Variants in AK4 observed in about 807,000 individuals in gnomAD.
AK4 encodes adenylate kinase 4.
Under a neutral mutation model 24.6 loss-of-function variants are expected in AK4, and 13 were observed. The ratio of observed to expected loss-of-function variants is 0.53; its 90% confidence interval spans 0.34 to 0.84. AK4 has a LOEUF of 0.84. Among genes scored for constraint, AK4 ranks in the 40% least tolerant of loss-of-function variants. The probability of loss-of-function intolerance (pLI) is 0.01; values close to 1 mark genes in which losing one functional copy is unlikely to be tolerated. For synonymous variants in AK4, 88 were observed against 107.0 expected (o/e 0.82, Z 1.10); for missense variants, 192 against 288.2 (o/e 0.67, Z 2.42).
At position 65,153,273 on chromosome 1, in the gene AK4, TTTC is replaced by T. The variant is rs200800134; in HGVS notation, c.145+4730_145+4732del. ...TGCACATTCTTCCAGTGGGATTTTT[TTTC>T]TTCTTCTTTTTGAGACATAGTTTCA... On this transcript the variant is annotated intron_variant, in intron 1 of 4. Coordinates refer to ENST00000327299, the MANE Select transcript of AK4 (RefSeq NM_013410.4). 8.3e-3 allele frequency among the ~76,000 whole-genome samples: 1,269 copies of T among 152,256 alleles called. 13 individuals carry two copies. Among genetic ancestry groups the T allele is most frequent in the Middle Eastern group, 0.014 (4 of 294 alleles).
chr1:65,215,173 TTTC>T (rs202004068), intron 2 of AK4, among the ~76,000 whole-genome samples: 27 of 127,760 alleles, frequency 2.1e-4, no homozygotes, highest in East Asian at 1.1e-3. Context: ...TCTTTCTTTC[TTTC>T]TTTTTTTTTT....
At chr1:65,190,533 A>C (rs1318396078) in intron 1 of AK4, among the ~76,000 whole-genome samples, 177 bp from the exon 2 acceptor site, 1 of 152,158 alleles carries the variant, frequency 6.6e-6, no homozygotes, top group East Asian at 1.9e-4. Context: ...TGTGTTAAAT[A>C]AGCAACAGTC....
At chr1:65,203,984 A>T (rs1273715640) in intron 2 of AK4, among the ~76,000 whole-genome samples, 1 of 152,178 alleles carries the variant, frequency 6.6e-6, no homozygotes, top group African/African-American at 2.4e-5. Context: ...ATTTAATTTT[A>T]TCTTTTTCTG....
chr1:65,213,782 G>A (rs1271449595), intron 2 of AK4, among the ~76,000 whole-genome samples: 1 of 151,994 alleles, frequency 6.6e-6, no homozygotes, highest in Non-Finnish European at 1.5e-5. Flanking sequence ...AGCCCTAACT[G>A]CCCCCCCAGT....
intron 1 of AK4, among the ~76,000 whole-genome samples, chr1:65,155,299 T>A (rs1395816690): frequency 1.3e-5 from 2 of 151,688 alleles, no homozygotes; most frequent in Non-Finnish European, 2.9e-5. Context: ...ATGGCAAAAT[T>A]CTGGCTCTAC....
intron 1 of AK4, among the ~76,000 whole-genome samples, chr1:65,162,456 A>G (rs987093303): frequency 3.9e-5 from 6 of 152,176 alleles, no homozygotes; most frequent in African/African-American, 7.2e-5. Context: ...ATGAGAATCC[A>G]TGGAAGGTTT....
intron 1 of AK4, among the ~76,000 whole-genome samples, chr1:65,187,347 CAAAA>C (rs150840960): frequency 4.5e-5 from 3 of 66,894 alleles, no homozygotes; most frequent in Non-Finnish European, 9.2e-5. Flanking sequence ...GACTCCGTCT[CAAAA>C]AAAAAAAAAA....
chr1:65,198,314 A>T (rs1002256118), intron 2 of AK4, among the ~76,000 whole-genome samples: 13 of 151,626 alleles, frequency 8.6e-5, no homozygotes, highest in Non-Finnish European at 4.4e-5. Context: ...TTGCACAATT[A>T]AAATGTTTGG....
chr1:65,161,182 C>T (rs1222909927), intron 1 of AK4, among the ~76,000 whole-genome samples: 1 of 151,986 alleles, frequency 6.6e-6, no homozygotes, highest in Non-Finnish European at 1.5e-5. Flanking sequence ...AAATAGAAGC[C>T]ATTTGGTTGT....
In AK4 at chr1:65,212,685, C is replaced by CA. The variant is rs1474504046; in HGVS notation, c.266-6068dup. On this transcript the variant is annotated intron_variant, in intron 2 of 4. Coordinates refer to ENST00000327299, the MANE Select transcript of AK4 (RefSeq NM_013410.4). ...TGTACTTTTTGTAGAGATGAGGTCTCACTATGTTGCCCAGGCTGGAGGATT... is the reference window on the plus strand; with the variant it reads ...TGTACTTTTTGTAGAGATGAGGTCTCAACTATGTTGCCCAGGCTGGAGGATT... Among the ~76,000 whole-genome samples, 20 of 152,182 alleles carry CA rather than the reference C, an allele frequency of 1.3e-4. No homozygotes were observed. The East Asian group carries it at 3.9e-3, about 29-fold the overall frequency.
intron 2 of AK4, among the ~76,000 whole-genome samples, chr1:65,194,453 A>G (rs1557456306): frequency 6.6e-6 from 1 of 151,952 alleles, no homozygotes; most frequent in Non-Finnish European, 1.5e-5. Context: ...TATGCCAGTC[A>G]TGACCACTTG....
chr1:65,219,721 T>A (rs1553127690), intron 3 of AK4, among the ~76,000 whole-genome samples: 1 of 152,218 alleles, frequency 6.6e-6, no homozygotes, highest in Non-Finnish European at 1.5e-5. Flanking sequence ...TTACAGTTAA[T>A]AAACTAATAT....
chr1:65,210,667 T>C (rs571848391), intron 2 of AK4, among the ~76,000 whole-genome samples: 21 of 152,174 alleles, frequency 1.4e-4, no homozygotes, highest in Non-Finnish European at 2.2e-4. Context: ...TTCATCCTTT[T>C]CTAAAAGCTC....
At chr1:65,219,206 A>T (rs1387853304) in intron 3 of AK4, among the ~76,000 whole-genome samples, 1 of 151,318 alleles carries the variant, frequency 6.6e-6, no homozygotes, top group African/African-American at 2.4e-5. Context: ...GTATATAATT[A>T]TATTTATTTT....
At chr1:65,195,491 T>C (rs1306436105) in intron 2 of AK4, among the ~76,000 whole-genome samples, 3 of 152,188 alleles carry the variant, frequency 2.0e-5, no homozygotes, top group Non-Finnish European at 2.9e-5. Context: ...TGTATAGTTT[T>C]AGGGAACTTA....
chr1:65,199,336 T>C (rs1651590712), intron 2 of AK4, among the ~76,000 whole-genome samples: 2 of 151,726 alleles, frequency 1.3e-5, no homozygotes, highest in African/African-American at 4.8e-5. Flanking sequence ...AGTCACGAGG[T>C]CAGGAGTTCG....
upstream of AK4, chr1:65,147,760 G>C (rs1359121651): frequency 6.6e-6 from 1 of 152,310 alleles, no homozygotes; most frequent in African/African-American, 2.4e-5. Context: ...AACCCCGGGC[G>C]GAGGTGGGCC....
chr1:65,148,985 A>G (rs951120000), intron 1 of AK4: 7 of 151,528 alleles, frequency 4.6e-5, no homozygotes, highest in African/African-American at 1.5e-4. Context: ...AGCGCCGCCC[A>G]CCTGTGGCAG....
intron 2 of AK4, among the ~76,000 whole-genome samples, chr1:65,211,071 T>C (rs753050969): frequency 6.6e-6 from 1 of 152,026 alleles, no homozygotes; most frequent in Admixed American, 6.6e-5. Flanking sequence ...CATTAGGGGA[T>C]TGGTTAAATT....
Sources: allele counts gnomAD v4.1 joint callset (sites outside exome capture counted in the v4.1 genomes callset), GRCh38; gene constraint gnomAD v4.1.1; transcripts MANE v1.5; gene names NCBI Gene and HGNC (gene_info 2026-07-23, HGNC 2026-07-21).